RORB: variants seen among roughly 807,000 people sequenced by gnomAD.
RORB encodes the protein RAR related orphan receptor B.
A neutral mutation model predicts 59.1 loss-of-function variants in RORB; 6 were observed. The ratio of observed to expected loss-of-function variants is 0.10; its 90% CI spans 0.06 to 0.20. The LOEUF (loss-of-function observed/expected upper bound fraction) is 0.20. Ranked by LOEUF, RORB falls within the 10% of genes least tolerant of loss-of-function variation. The pLI, the probability that RORB is intolerant of heterozygous loss-of-function variation, is 1.00. For missense variants in RORB, 320 were observed against 560.5 expected (o/e 0.57, Z 4.33); for synonymous variants, 215 against 204.5 (o/e 1.05, Z -0.44).
chr9:74,549,768 C>T (rs1826577325), intron 1 of RORB, among the ~76,000 whole-genome samples: 1 of 151,984 alleles, frequency 6.6e-6, no homozygotes, highest in Non-Finnish European at 1.5e-5. Flanking sequence ...TGCTCTGTCA[C>T]CCAGGCTGGA....
At chr9:74,521,215 A>G (rs549104307) in intron 1 of RORB, among the ~76,000 whole-genome samples, 1 of 152,058 alleles carries the variant, frequency 6.6e-6, no homozygotes, top group Admixed American at 6.6e-5. Context: ...AAGATGATTC[A>G]GATGGTGAAG....
intron 4 of RORB, among the ~76,000 whole-genome samples, chr9:74,647,232 A>G (rs1277615668): frequency 6.6e-6 from 1 of 152,172 alleles, no homozygotes; most frequent in Non-Finnish European, 1.5e-5. Context: ...TAGCTAGCTA[A>G]AAGATGTTCC....
At position 74,497,704 on chromosome 9, in the gene RORB, C is replaced by T; in HGVS notation, c.-273C>T. 1 of 504,750 alleles carries T rather than the reference C, an allele frequency of 2.0e-6. No homozygotes were observed. The highest frequency in any genetic ancestry group is 3.5e-6 in the Non-Finnish European group (1 of 283,322). 31.3% of individuals were successfully genotyped at this position (504,750 alleles called of 1,614,324 possible). A position where few individuals can be genotyped will look rare whatever the true frequency, so the allele number is the denominator to read the frequency against. Reference sequence around the variant, plus strand: ...AAAACAAAACCCAGGCACCAGACAGCCAGAACATTTTTTTTTCACCCTTCC... The same window carrying T: ...AAAACAAAACCCAGGCACCAGACAGTCAGAACATTTTTTTTTCACCCTTCC... On this transcript the variant is annotated 5_prime_UTR_variant, in exon 1 of 10. Transcript: ENST00000376896.
chr9:74,625,907 GTTA>G (rs1823505276), intron 1 of RORB, among the ~76,000 whole-genome samples: 3 of 152,170 alleles, frequency 2.0e-5, no homozygotes, highest in African/African-American at 7.2e-5. Flanking sequence ...TGAAAAGTCT[GTTA>G]TTATTACCAT....
chr9:74,620,937 G>A (rs1048996229), intron 1 of RORB, among the ~76,000 whole-genome samples: 1 of 152,134 alleles, frequency 6.6e-6, no homozygotes, highest in African/African-American at 2.4e-5. Flanking sequence ...AGCAAAAGAA[G>A]CACCTCTGTG....
At chr9:74,593,325 G>A (rs1822927631) in intron 1 of RORB, among the ~76,000 whole-genome samples, 2 of 151,892 alleles carry the variant, frequency 1.3e-5, no homozygotes, top group South Asian at 2.1e-4. Context: ...AATTAGCCAG[G>A]CACAGTGGTG....
At chr9:74,614,064 G>C (rs1341083252) in intron 1 of RORB, among the ~76,000 whole-genome samples, 1 of 152,162 alleles carries the variant, frequency 6.6e-6, no homozygotes, top group Non-Finnish European at 1.5e-5. Context: ...TTGGTAGAAT[G>C]ATTTGTTTTC....
At chr9:74,642,968 C>G (rs1823837222) in intron 4 of RORB, among the ~76,000 whole-genome samples, 153 bp downstream of exon 4, 1 of 152,092 alleles carries the variant, frequency 6.6e-6, no homozygotes, top group Non-Finnish European at 1.5e-5. Context: ...TAAATATATT[C>G]TAATAAATGT....
chr9:74,613,883 T>C (rs4466458), intron 1 of RORB, among the ~76,000 whole-genome samples: 119,179 of 152,164 alleles, frequency 0.78, 47,200 homozygotes, highest in East Asian at 0.93. Context: ...CCAGCTGCAT[T>C]TACGTTGCTT....
intron 4 of RORB, among the ~76,000 whole-genome samples, chr9:74,644,168 G>A (rs749580692): frequency 4.6e-5 from 7 of 152,268 alleles, no homozygotes; most frequent in Non-Finnish European, 8.8e-5. Flanking sequence ...GTACCATCTG[G>A]TTGAGGAAGA....
rs1451892672 is a variant in RORB, at chr9:74,690,962, A to C, written c.*5344A>C. ...TGTGTTTCTTGAACTGTGTGACTTC[A>C]ATATCTGTGACAAGTTTTTATTTTC... is the stretch of plus-strand genomic sequence containing the variant. On this transcript the variant is annotated 3_prime_UTR_variant, in exon 10 of 10. Coordinates refer to ENST00000376896, the MANE Select transcript of RORB (RefSeq NM_006914.4). The C allele has an allele frequency of 6.6e-6, 1 of 152,184 alleles. No homozygotes were observed. The highest frequency in any genetic ancestry group is 1.5e-5 in the Non-Finnish European group (1 of 68,040). 9.4% of individuals were successfully genotyped at this position (152,184 alleles called of 1,614,324 possible).
At chr9:74,649,437 G>A (rs1823956332) in intron 4 of RORB, among the ~76,000 whole-genome samples, 1 of 152,088 alleles carries the variant, frequency 6.6e-6, no homozygotes, top group Non-Finnish European at 1.5e-5. Context: ...CCAGTTTGGG[G>A]CCAATTTGTC....
In RORB at chr9:74,564,377, A is replaced by G. The variant is rs1039211159; in HGVS notation, c.8-65905A>G. On this transcript the variant is annotated intron_variant, in intron 1 of 9. Coordinates refer to ENST00000376896, the MANE Select transcript of RORB (RefSeq NM_006914.4). Reference sequence around the variant, plus strand: ...GTTTATGCCTCATGTTCAAAGTAATAATGCCTATGCCTCTGTATTTGAATT... The same window carrying G: ...GTTTATGCCTCATGTTCAAAGTAATGATGCCTATGCCTCTGTATTTGAATT... 2.0e-5 allele frequency among the ~76,000 whole-genome samples: 3 copies of G among 152,250 alleles called. No homozygotes were observed. In the East Asian group the frequency reaches 5.8e-4, roughly 29 times the overall value.
Position 74,690,142 on chromosome 9 carries a change from TTTAGACGAAG to T in RORB, c.*4526_*4535del, listed in dbSNP as rs1464740379. The T allele has an allele frequency of 6.6e-6, 1 of 152,164 alleles. No individual in the cohort carries two copies. The highest frequency in any genetic ancestry group is 2.4e-5 in the African/African-American group (1 of 41,432). The allele number at this position is 152,164 out of a possible 1,614,324, so 9.4% of individuals were successfully genotyped here. A position where few individuals can be genotyped will look rare whatever the true frequency, so the allele number is the denominator to read the frequency against. On this transcript the variant is annotated 3_prime_UTR_variant, in exon 10 of 10. Transcript: ENST00000376896. ...GAAGAGAGGAAAGCCTACCATCTGC[TTTAGACGAAG>T]TGTTATTTGATGTTCTGTTTCCAAC...
intron 1 of RORB, among the ~76,000 whole-genome samples, chr9:74,609,018 T>A (rs949329221): frequency 1.3e-5 from 2 of 152,186 alleles, no homozygotes; most frequent in Non-Finnish European, 2.9e-5. Context: ...TAAAATGATG[T>A]CATACAAAGT....
intron 1 of RORB, among the ~76,000 whole-genome samples, chr9:74,581,273 A>G (rs905024184): frequency 1.3e-5 from 2 of 152,016 alleles, no homozygotes; most frequent in African/African-American, 2.4e-5. Context: ...TATAAAACAG[A>G]TAGTGGTAAA....
intron 4 of RORB, among the ~76,000 whole-genome samples, chr9:74,655,074 T>A (rs1021398768): frequency 6.6e-6 from 1 of 152,198 alleles, no homozygotes; most frequent in Non-Finnish European, 1.5e-5. Flanking sequence ...TATAAAATTG[T>A]TTTTCTCTTT....
At chr9:74,556,326 G>C (rs930881738) in intron 1 of RORB, among the ~76,000 whole-genome samples, 2 of 152,192 alleles carry the variant, frequency 1.3e-5, no homozygotes, top group Non-Finnish European at 2.9e-5. Flanking sequence ...CTCTGGGATG[G>C]TGAAAGAGTG....
At chr9:74,610,270 T>C (rs1451735654) in intron 1 of RORB, among the ~76,000 whole-genome samples, 1 of 152,218 alleles carries the variant, frequency 6.6e-6, no homozygotes, top group Non-Finnish European at 1.5e-5. Context: ...TGTAAATCTC[T>C]TGGGAATCAG....
Sources: allele counts gnomAD v4.1 joint callset (sites outside exome capture counted in the v4.1 genomes callset), GRCh38; gene constraint gnomAD v4.1.1; transcripts MANE v1.5; gene names NCBI Gene and HGNC (gene_info 2026-07-23, HGNC 2026-07-21).